TENM2: variants seen among roughly 807,000 people sequenced by gnomAD.
TENM2 encodes the protein teneurin transmembrane protein 2, also known as teneurin-2.
Under a neutral mutation model 245.2 loss-of-function variants are expected in TENM2, and 52 were observed. The observed-to-expected ratio is 0.21, with a 90% CI of 0.17 to 0.27. The LOEUF (loss-of-function observed/expected upper bound fraction) is 0.27, where lower values mean the gene tolerates loss of function less well. Among genes scored for constraint, TENM2 ranks in the 10% least tolerant of loss-of-function variants. The pLI, the probability that TENM2 is intolerant of heterozygous loss-of-function variation, is 1.00. For missense variants in TENM2, 3,046 were observed against 3,666.8 expected (o/e 0.83, Z 4.37); for synonymous variants, 1,363 against 1,438.9 (o/e 0.95, Z 1.19).
intron 2 of TENM2, among the ~76,000 whole-genome samples, chr5:167,676,668 A>C (rs1260584070): frequency 6.6e-6 from 1 of 151,882 alleles, no homozygotes; most frequent in African/African-American, 2.4e-5. Flanking sequence ...GAAGCTGAAA[A>C]GGCTGCTTTG....
At chr5:167,948,318 A>G (rs953377267) in intron 3 of TENM2, among the ~76,000 whole-genome samples, 1 of 152,236 alleles carries the variant, frequency 6.6e-6, no homozygotes, top group Non-Finnish European at 1.5e-5. Flanking sequence ...AGACTATGTG[A>G]CTGGCATCCC....
chr5:167,845,162 G>A (rs959503801), intron 2 of TENM2, among the ~76,000 whole-genome samples: 35 of 151,504 alleles, frequency 2.3e-4, no homozygotes, highest in African/African-American at 6.8e-4. Context: ...TGTCACAGAC[G>A]TTTTTGTTTT....
chr5:167,598,567 C>T (rs1425170166), intron 2 of TENM2, among the ~76,000 whole-genome samples: 5 of 152,170 alleles, frequency 3.3e-5, no homozygotes, highest in Admixed American at 3.3e-4. Flanking sequence ...TGCTTTATTA[C>T]GTGGGTGACC....
At chr5:167,294,790 A>G (rs1419910411) in intron 1 of TENM2, among the ~76,000 whole-genome samples, 2 of 151,556 alleles carry the variant, frequency 1.3e-5, no homozygotes, top group Non-Finnish European at 2.9e-5. Context: ...CACCAGTCCT[A>G]TTCCTCTCAG....
At chr5:167,487,932 A>G (rs1234947105) in intron 2 of TENM2, among the ~76,000 whole-genome samples, 4 of 152,232 alleles carry the variant, frequency 2.6e-5, no homozygotes, top group African/African-American at 9.6e-5. Context: ...TGGTCATAGA[A>G]GGTATAATTT....
intron 1 of TENM2, among the ~76,000 whole-genome samples, chr5:167,358,469 C>CTT (rs34914768): frequency 1.4e-3 from 210 of 146,608 alleles, no homozygotes; most frequent in African/African-American, 2.3e-3. Context: ...CTCCTTTCTT[C>CTT]TTTTTTTTTT....
At chr5:167,928,424 C>A (rs1284888787) in intron 3 of TENM2, among the ~76,000 whole-genome samples, 2 of 152,196 alleles carry the variant, frequency 1.3e-5, no homozygotes, top group Non-Finnish European at 2.9e-5. Context: ...GTATCCCAGG[C>A]ACCATGATAG....
At chr5:167,162,814 A>G in the TENM2 span, among the ~76,000 whole-genome samples, 2 of 152,230 alleles carry the variant, frequency 1.3e-5, no homozygotes, top group Non-Finnish European at 2.9e-5. Context: ...ACTATGTGAG[A>G]GGAAAATGGG....
intron 2 of TENM2, among the ~76,000 whole-genome samples, chr5:167,620,549 CTTT>C (rs11455974): frequency 0.066 from 4,859 of 73,210 alleles, 172 homozygotes; most frequent in African/African-American, 0.23. Context: ...TGCTTTTTGG[CTTT>C]TTTTTTTTTT....
At chr5:167,256,457 A>G in the TENM2 span, among the ~76,000 whole-genome samples, 2 of 152,178 alleles carry the variant, frequency 1.3e-5, no homozygotes, top group African/African-American at 4.8e-5. Context: ...GAGATCTGCC[A>G]GGGCATTTCT....
At chr5:167,122,536 A>G in the TENM2 span, among the ~76,000 whole-genome samples, 1 of 152,136 alleles carries the variant, frequency 6.6e-6, no homozygotes, top group African/African-American at 2.4e-5. Context: ...AACCTAATAA[A>G]TCCAGGCAAA....
At chr5:167,814,931 G>A (rs1027472796) in intron 2 of TENM2, among the ~76,000 whole-genome samples, 4 of 152,118 alleles carry the variant, frequency 2.6e-5, no homozygotes, top group Admixed American at 1.3e-4. Flanking sequence ...GGGAAATGCC[G>A]ATGGAGAGAA....
intron 7 of TENM2, among the ~76,000 whole-genome samples, chr5:168,079,585 T>A (rs1403187316): frequency 6.6e-6 from 1 of 152,164 alleles, no homozygotes; most frequent in Non-Finnish European, 1.5e-5. Context: ...ATAGCTCTTA[T>A]TATTTTGAGA....
At chr5:167,638,523 T>C (rs1221290405) in intron 2 of TENM2, among the ~76,000 whole-genome samples, 1 of 152,176 alleles carries the variant, frequency 6.6e-6, no homozygotes, top group African/African-American at 2.4e-5. Context: ...TTCTAATTTA[T>C]AAAGTATAAT....
intron 2 of TENM2, among the ~76,000 whole-genome samples, chr5:167,422,957 G>A (rs1237580922): frequency 6.6e-6 from 1 of 152,108 alleles, no homozygotes; most frequent in Non-Finnish European, 1.5e-5. Context: ...ACTCTTACCA[G>A]GAAAACACAA....
intron 1 of TENM2, among the ~76,000 whole-genome samples, chr5:167,349,145 A>G (rs891751978): frequency 1.3e-5 from 2 of 152,170 alleles, no homozygotes; most frequent in East Asian, 3.9e-4. Context: ...CACTGCCATC[A>G]CTCCAAAAGG....
At chr5:167,416,971 CTT>C (rs1181497082) in intron 2 of TENM2, among the ~76,000 whole-genome samples, 1 of 152,076 alleles carries the variant, frequency 6.6e-6, no homozygotes, top group Non-Finnish European at 1.5e-5. Context: ...CTTTTCTTCT[CTT>C]GTCATTGTTT....
chr5:167,814,213 C>T (rs563042964), intron 2 of TENM2, among the ~76,000 whole-genome samples: 1 of 152,214 alleles, frequency 6.6e-6, no homozygotes, highest in East Asian at 1.9e-4. Flanking sequence ...TCTCTACAAA[C>T]ACTTTGGGTT....
chr5:167,772,738 A>C (rs1054733782), intron 2 of TENM2, among the ~76,000 whole-genome samples: 3 of 152,164 alleles, frequency 2.0e-5, no homozygotes, highest in Non-Finnish European at 1.5e-5. Flanking sequence ...TTGCATGTTA[A>C]ATAGAATCAG....
Sources: allele counts gnomAD v4.1 joint callset (sites outside exome capture counted in the v4.1 genomes callset), GRCh38; gene constraint gnomAD v4.1.1; transcripts MANE v1.5; gene names NCBI Gene and HGNC (gene_info 2026-07-23, HGNC 2026-07-21).